Variants in PTK7 observed in about 807,000 individuals in gnomAD.
PTK7 encodes the protein inactive tyrosine-protein kinase 7.
A neutral mutation model predicts 116.6 loss-of-function variants in PTK7; 39 were observed. The observed-to-expected ratio is 0.33, with a 90% CI of 0.26 to 0.44. PTK7 has a LOEUF of 0.44. Among genes scored for constraint, PTK7 ranks in the 20% least tolerant of loss-of-function variants. The pLI is 1.00. For synonymous variants in PTK7, 546 were observed against 563.6 expected, an observed-to-expected ratio of 0.97 and a Z score of 0.44; for missense variants, 1,169 against 1,425.6, an observed-to-expected ratio of 0.82 and a Z score of 2.90.
intron 1 of PTK7, among the ~76,000 whole-genome samples, chr6:43,120,992 CG>C (rs1363219604): frequency 8.0e-5 from 12 of 150,576 alleles, no homozygotes; most frequent in African/African-American, 2.9e-4. Flanking sequence ...AGAAGATGGG[CG>C]GGGTCCAGGT....
At chr6:43,159,495 C>A in intron 18 of PTK7, 1 of 455,352 alleles carries the variant, frequency 2.2e-6, no homozygotes. Context: ...TTAGTTTTTA[C>A]ATTTTTACAA....
rs1485533574 is a variant in PTK7 at position 43,139,771 on chromosome 6, A to G, written c.1618+246A>G. Among the ~76,000 whole-genome samples, 2 of 152,248 alleles carry G rather than the reference A, an allele frequency of 1.3e-5. No individual in the cohort carries two copies. The highest frequency in any genetic ancestry group is 2.1e-4 in the South Asian group (1 of 4,830). On this transcript the variant is annotated intron_variant, in intron 10 of 19. Transcript: ENST00000230419. This position sits in a 1 kb window ranked among gnomAD's most constrained non-coding sequence, Gnocchi z 4.6. ...ATTGGATTGGTTCAGACAGTGCTGT[A>G]AAGTCCTCTCTTCCCCTTTTCCAAA...
intron 1 of PTK7, among the ~76,000 whole-genome samples, chr6:43,101,477 G>A (rs990506689): frequency 2.6e-5 from 4 of 151,766 alleles, no homozygotes; most frequent in African/African-American, 7.3e-5. Context: ...GCATGAACCC[G>A]GGAGGCAGAG....
intron 17 of PTK7, among the ~76,000 whole-genome samples, chr6:43,155,113 C>A (rs1262915798): frequency 6.6e-6 from 1 of 152,216 alleles, no homozygotes; most frequent in Non-Finnish European, 1.5e-5. Flanking sequence ...TGCAGCCCCC[C>A]ATCAAGAGCC....
chr6:43,121,658 TG>T (rs1561958724), intron 1 of PTK7, among the ~76,000 whole-genome samples: 1 of 152,244 alleles, frequency 6.6e-6, no homozygotes, highest in Non-Finnish European at 1.5e-5. Flanking sequence ...TCAGACAGTC[TG>T]GGTTGCTTGC....
intron 1 of PTK7, among the ~76,000 whole-genome samples, chr6:43,123,521 C>T (rs1001802158): frequency 4.0e-5 from 6 of 151,332 alleles, no homozygotes; most frequent in Middle Eastern, 3.4e-3. Flanking sequence ...TGTGTATACA[C>T]GCACACATAT....
At chr6:43,157,326 C>A in intron 17 of PTK7, among the ~76,000 whole-genome samples, 1 of 22,010 alleles carries the variant, frequency 4.5e-5, no homozygotes, top group South Asian at 2.4e-3. Context: ...GACACACACG[C>A]TATATATATA....
chr6:43,107,620 TTC>T (rs1210259622), intron 1 of PTK7, among the ~76,000 whole-genome samples: 1 of 152,208 alleles, frequency 6.6e-6, no homozygotes. Context: ...AATTGTGTGT[TTC>T]TCTCTCTGTC....
chr6:43,084,297 GTTTTTTAAATT>G (rs1766537694), intron 1 of PTK7, among the ~76,000 whole-genome samples: 1 of 152,074 alleles, frequency 6.6e-6, no homozygotes, highest in Non-Finnish European at 1.5e-5. Context: ...TACCTGGCTA[GTTTTTTAAATT>G]TATTTTTTAT....
chr6:43,149,384 A>G (rs1770939423), intron 17 of PTK7, among the ~76,000 whole-genome samples: 1 of 152,206 alleles, frequency 6.6e-6, no homozygotes. Flanking sequence ...AAAGAAAAAA[A>G]AAAGATTTCT....
chr6:43,144,766 G>A (rs1293666180), intron 15 of PTK7, 160 bp downstream of exon 15: 9 of 784,152 alleles, frequency 1.1e-5, no homozygotes, highest in African/African-American at 1.7e-5. Context: ...CCCAGAGCCT[G>A]TTATTCACTG....
rs576896745 is a variant in PTK7, at chr6:43,128,869, A to G, written c.80-108A>G. ...GATCCTTCACACCTGCACTTACTGG[A>G]CGCCTCCTGTGTACACAGCCCCTTT... On this transcript the variant is annotated intron_variant, in intron 1 of 19. Coordinates refer to ENST00000230419, the MANE Select transcript of PTK7 (RefSeq NM_002821.5). The G allele has an allele frequency of 2.6e-4, 304 of 1,173,740 alleles. 1 individual carries two copies. The South Asian group carries it at 4.7e-3, about 18-fold the overall frequency. The allele number at this position is 1,173,740 out of a possible 1,614,324, so 72.7% of individuals were successfully genotyped here. A position where few individuals can be genotyped will look rare whatever the true frequency, so the allele number is the denominator to read the frequency against.
chr6:43,104,595 G>T (rs1411240052), intron 1 of PTK7, among the ~76,000 whole-genome samples: 1 of 151,824 alleles, frequency 6.6e-6, no homozygotes, highest in Non-Finnish European at 1.5e-5. Context: ...ATTTTTAGTA[G>T]AGAAAATACA....
intron 1 of PTK7, among the ~76,000 whole-genome samples, chr6:43,114,974 G>A (rs1471514542): frequency 1.3e-5 from 2 of 151,644 alleles, no homozygotes; most frequent in African/African-American, 4.8e-5. Flanking sequence ...CCTGGGAGGC[G>A]GAGGTTGCAG....
Position 43,145,106 on chromosome 6 carries a change from G to A in PTK7, c.2408-94G>A, listed in dbSNP as rs980042334. 8.5e-7 allele frequency: 1 copy of A among 1,182,772 alleles called. No homozygotes were observed. The highest frequency in any genetic ancestry group is 1.5e-5 in the African/African-American group (1 of 65,498). 73.3% of individuals were successfully genotyped at this position (1,182,772 alleles called of 1,614,324 possible). A position where few individuals can be genotyped will look rare whatever the true frequency, so the allele number is the denominator to read the frequency against. ...TCTCGTGCCCAGCCCAGGTGGGTGGGTCCCCACTGTGGGAGAGGCTAGGCC... is the reference window on the plus strand; with the variant it reads ...TCTCGTGCCCAGCCCAGGTGGGTGGATCCCCACTGTGGGAGAGGCTAGGCC... On this transcript the variant is annotated intron_variant, in intron 15 of 19. Transcript: ENST00000230419. This position sits in a 1 kb window ranked among gnomAD's most constrained non-coding sequence, Gnocchi z 4.8.
chr6:43,091,154 CTTTT>C (rs35002545), intron 1 of PTK7, among the ~76,000 whole-genome samples: 7 of 133,092 alleles, frequency 5.3e-5, no homozygotes, highest in Non-Finnish European at 6.4e-5. Flanking sequence ...TCGGTTTCCT[CTTTT>C]TTTTTTTTTT....
At chr6:43,089,180 T>A (rs1766815596) in intron 1 of PTK7, among the ~76,000 whole-genome samples, 1 of 152,184 alleles carries the variant, frequency 6.6e-6, no homozygotes, top group African/African-American at 2.4e-5. Flanking sequence ...GATGCCACTT[T>A]TCTTGTGCCA....
At chr6:43,144,925 T>C in intron 15 of PTK7, 1 of 419,124 alleles carries the variant, frequency 2.4e-6, no homozygotes, top group Non-Finnish European at 4.2e-6. Context: ...ATAGTTACGT[T>C]TTTTCCTAGC....
In PTK7 at chr6:43,145,413, T is replaced by C; in HGVS notation, c.2621T>C (p.Val874Ala). Residue 874 changes from valine (V) to alanine (A), a missense_variant, in exon 16 of 20, where the codon GTG (valine) becomes GCG (alanine). Val to Ala is a moderately conservative substitution (Grantham distance 64). Coordinates refer to ENST00000230419, the MANE Select transcript of PTK7 (RefSeq NM_002821.5). This position sits in a 1 kb window ranked among gnomAD's most constrained non-coding sequence, Gnocchi z 4.8. Reference sequence around the variant, plus strand: ...CGGGAGGCTGAGCCCCACTACATGGTGCTGGAATATGTGGATCTGGTATGC... The same window carrying C: ...CGGGAGGCTGAGCCCCACTACATGGCGCTGGAATATGTGGATCTGGTATGC... ...LCREAEPHYMVLEYVDLGDLK... is the reference protein window; with the variant it reads ...LCREAEPHYMALEYVDLGDLK... 6.3e-7 allele frequency: 1 copy of C among 1,590,254 alleles called. No homozygotes were observed. Among genetic ancestry groups the C allele is most frequent in the Non-Finnish European group, 8.6e-7 (1 of 1,165,864 alleles).
Sources: gnomAD v4.1 joint callset for allele counts (sites outside exome capture counted in the v4.1 genomes callset) on GRCh38, gnomAD v4.1.1 for gene constraint, Gnocchi (gnomAD v3.1) non-coding constraint, MANE v1.5 for transcripts, NCBI Gene and HGNC (gene_info 2026-07-23, HGNC 2026-07-21) for gene names.